LRRC37A2: variants seen among roughly 807,000 people sequenced by gnomAD.
LRRC37A2 encodes leucine-rich repeat-containing protein 37A2.
LRRC37A2 carries 9 observed loss-of-function variants against 68.8 expected under a neutral mutation model. The observed-to-expected ratio is 0.13, with a 90% CI of 0.08 to 0.23. The LOEUF (loss-of-function observed/expected upper bound fraction) is 0.23, where lower values mean the gene tolerates loss of function less well. Among genes scored for constraint, LRRC37A2 ranks in the 10% least tolerant of loss-of-function variants. The pLI is 1.00. For missense variants in LRRC37A2, 168 were observed against 950.4 expected (o/e 0.18, Z 10.82); for synonymous variants, 63 against 367.6 (o/e 0.17, Z 9.48).
the LRRC37A2 span, among the ~76,000 whole-genome samples, chr17:46,494,160 G>C: frequency 6.6e-6 from 1 of 151,086 alleles, no homozygotes; most frequent in South Asian, 2.1e-4. Flanking sequence ...CTTACTGTTG[G>C]GTAGTAAGAG....
chr17:46,649,339 C>G, the LRRC37A2 span, among the ~76,000 whole-genome samples: 1 of 150,712 alleles, frequency 6.6e-6, no homozygotes, highest in Non-Finnish European at 1.5e-5. Context: ...TGTAAGTAGT[C>G]TGCCCTTCAA....
chr17:46,807,131 G>C, the LRRC37A2 span, among the ~76,000 whole-genome samples: 522 of 152,332 alleles, frequency 3.4e-3, 4 homozygotes, highest in African/African-American at 0.012. Flanking sequence ...GGAAAAAAAA[G>C]AGGCGACTTC....
chr17:46,876,787 G>A, the LRRC37A2 span: 45 of 1,466,478 alleles, frequency 3.1e-5, no homozygotes, highest in Non-Finnish European at 3.3e-5. Context: ...CTGCCCAGCC[G>A]GCCCTCTGGG....
chr17:46,871,975 A>G, the LRRC37A2 span, among the ~76,000 whole-genome samples: 1 of 152,200 alleles, frequency 6.6e-6, no homozygotes, highest in Non-Finnish European at 1.5e-5. Flanking sequence ...CAGCAGCATA[A>G]TGTAAGGGAG....
the LRRC37A2 span, among the ~76,000 whole-genome samples, chr17:46,767,526 G>GC: frequency 3.3e-5 from 5 of 152,214 alleles, no homozygotes; most frequent in African/African-American, 1.2e-4. Flanking sequence ...TATTTAAACT[G>GC]CCCCCTGCCC....
the LRRC37A2 span, among the ~76,000 whole-genome samples, chr17:46,912,326 C>T: frequency 6.6e-6 from 1 of 152,216 alleles, no homozygotes; most frequent in African/African-American, 2.4e-5. Context: ...TGGCCCAGCT[C>T]ACAGGTGATG....
chr17:46,728,842 G>A, the LRRC37A2 span: 1 of 1,570,046 alleles, frequency 6.4e-7, no homozygotes, highest in African/African-American at 1.4e-5. Flanking sequence ...ACATAATAAT[G>A]TTTCTTTTCC....
the LRRC37A2 span, chr17:46,851,650 G>C: frequency 1.6e-6 from 2 of 1,265,604 alleles, no homozygotes; most frequent in South Asian, 2.6e-5. The surrounding 1 kb of genome is among the most constrained non-coding windows in gnomAD (Gnocchi z 4.3). Flanking sequence ...TGCGCCCCCC[G>C]CCCGCGCTGG....
At chr17:47,045,381 C>G in the LRRC37A2 span, among the ~76,000 whole-genome samples, 47 of 149,788 alleles carry the variant, frequency 3.1e-4, no homozygotes, top group East Asian at 8.0e-4. Flanking sequence ...ATTGAGCACT[C>G]ACTGTGCACC....
At chr17:46,989,178 C>T in the LRRC37A2 span, among the ~76,000 whole-genome samples, 2 of 152,144 alleles carry the variant, frequency 1.3e-5, no homozygotes, top group East Asian at 1.9e-4. Context: ...GATGCCTTTC[C>T]GGTGAAGGAC....
chr17:46,978,609 T>A, the LRRC37A2 span: 1 of 1,546,790 alleles, frequency 6.5e-7, no homozygotes, highest in Non-Finnish European at 8.7e-7. Flanking sequence ...GGGTCCTTCT[T>A]GCAGCAGCGC....
At chr17:46,721,486 CCTGTT>C in the LRRC37A2 span, 1 of 753,640 alleles carries the variant, frequency 1.3e-6, no homozygotes, top group East Asian at 2.6e-5. Flanking sequence ...GATAATTTTA[CCTGTT>C]CTACAGGAAA....
chr17:46,743,176 C>T, the LRRC37A2 span, among the ~76,000 whole-genome samples: 1 of 152,150 alleles, frequency 6.6e-6, no homozygotes, highest in Non-Finnish European at 1.5e-5. Flanking sequence ...CTCTCATCTT[C>T]CCTAACCCAG....
chr17:47,004,457 G>C, the LRRC37A2 span, among the ~76,000 whole-genome samples: 27 of 152,262 alleles, frequency 1.8e-4, no homozygotes, highest in African/African-American at 6.5e-4. Flanking sequence ...GGGGCCAGCA[G>C]CAGGGGTGGC....
chr17:46,950,717 G>T, the LRRC37A2 span, among the ~76,000 whole-genome samples: 1 of 152,144 alleles, frequency 6.6e-6, no homozygotes, highest in Non-Finnish European at 1.5e-5. Context: ...GAGAGGGCAG[G>T]GACTGGTCTG....
At chr17:46,758,965 G>A in the LRRC37A2 span, among the ~76,000 whole-genome samples, 1 of 152,176 alleles carries the variant, frequency 6.6e-6, no homozygotes, top group Non-Finnish European at 1.5e-5. Context: ...CAGAGCTTTG[G>A]GAGGCTGAGG....
the LRRC37A2 span, among the ~76,000 whole-genome samples, chr17:46,976,304 G>A: frequency 1.2e-3 from 186 of 151,346 alleles, 2 homozygotes; most frequent in Non-Finnish European, 3.5e-4. Flanking sequence ...AGGCCGAGGC[G>A]GGTGGATCAC....
At chr17:46,877,118 G>A in the LRRC37A2 span, 1 of 981,006 alleles carries the variant, frequency 1.0e-6, no homozygotes, top group Non-Finnish European at 1.2e-6. Flanking sequence ...GAACTGCTGG[G>A]CTAGGAATGC....
At chr17:46,739,729 CT>C in the LRRC37A2 span, among the ~76,000 whole-genome samples, 151 of 144,200 alleles carry the variant, frequency 1.0e-3, no homozygotes, top group African/African-American at 3.9e-3. Flanking sequence ...TTCTTTTTTT[CT>C]GATTTTTTTT....
Sources: gnomAD v4.1 joint callset for allele counts (sites outside exome capture counted in the v4.1 genomes callset) on GRCh38, gnomAD v4.1.1 for gene constraint, Gnocchi (gnomAD v3.1) non-coding constraint, MANE v1.5 for transcripts, NCBI Gene and HGNC (gene_info 2026-07-23, HGNC 2026-07-21) for gene names.